The following PRKCSH variants were observed in gnomAD, a reference collection of about 807,000 sequenced individuals.
The protein encoded by PRKCSH is glucosidase 2 subunit beta.
Under a neutral mutation model 79.7 loss-of-function variants are expected in PRKCSH, and 42 were observed. That is an observed-to-expected ratio of 0.53 (90% CI 0.41 to 0.68). The LOEUF is 0.68. Among genes scored for constraint, PRKCSH ranks in the 30% least tolerant of loss-of-function variants. The pLI is 0.00. For missense variants in PRKCSH, 686 were observed against 709.0 expected (o/e 0.97, Z 0.37); for synonymous variants, 325 against 288.2 (o/e 1.13, Z -1.29).
At position 11,447,410 on chromosome 19, in the gene PRKCSH, C is replaced by T. The variant is rs1970360601; in HGVS notation, c.850-29C>T. On this transcript the variant is annotated intron_variant, in intron 10 of 17. Transcript: ENST00000677123. The surrounding 1 kb of genome is among the most constrained non-coding windows in gnomAD (Gnocchi z 5.6). Reference sequence around the variant, plus strand: ...AGGGTGTGGGTGGACCCTGAGTCCACAACACCGACCGCACTGCTCACCCGC... The same window carrying T: ...AGGGTGTGGGTGGACCCTGAGTCCATAACACCGACCGCACTGCTCACCCGC... 5 of 1,610,482 alleles carry T rather than the reference C, an allele frequency of 3.1e-6. No individual in the cohort carries two copies. The highest frequency in any genetic ancestry group is 4.2e-6 in the Non-Finnish European group (5 of 1,177,470).
chr19:11,444,335 C>T (rs1328858256), intron 7 of PRKCSH, among the ~76,000 whole-genome samples: 1 of 152,134 alleles, frequency 6.6e-6, no homozygotes, highest in East Asian at 1.9e-4. Flanking sequence ...CAAAGGGTGG[C>T]GGGGCTGAGC....
rs1420011262 is a variant in PRKCSH at position 11,448,097 on chromosome 19, C to T, written c.1127-125C>T. On this transcript the variant is annotated intron_variant, in intron 12 of 17. Transcript: ENST00000677123. This position sits in a 1 kb window ranked among gnomAD's most constrained non-coding sequence, Gnocchi z 4.4. ...TAGCTGGTGAGGCCCTCAAGGCTGTCGGGGTGAAGTCCTTGGCCAGAGCAA... is the reference window on the plus strand; with the variant it reads ...TAGCTGGTGAGGCCCTCAAGGCTGTTGGGGTGAAGTCCTTGGCCAGAGCAA... 28 of 1,062,962 alleles carry T rather than the reference C, an allele frequency of 2.6e-5. No homozygotes were observed. Among genetic ancestry groups the T allele is most frequent in the South Asian group, 2.3e-4 (17 of 73,034 alleles). The allele number at this position is 1,062,962 out of a possible 1,614,324, so 65.8% of individuals were successfully genotyped here. A position where few individuals can be genotyped will look rare whatever the true frequency, so the allele number is the denominator to read the frequency against.
chr19:11,449,267 T>A lies in PRKCSH; in HGVS notation c.1463T>A (p.Val488Glu). 1.2e-6 allele frequency: 2 copies of A among 1,613,648 alleles called. No individual in the cohort carries two copies. The highest frequency in any genetic ancestry group is 1.7e-6 in the Non-Finnish European group (2 of 1,179,946). ...GAGCACCCGTCTGCCCATCCCCAGG[T>A]GCGCCTCCTGTGCGGGAAAGAGACC... ...CWQGPNRSTTVRLLCGKETMV... is the reference protein window; with the variant it reads ...CWQGPNRSTTERLLCGKETMV... The change falls in exon 17 of 18, where the codon GTG becomes GAG. Residue 488 changes from valine (V) to glutamate (E), a missense_variant and splice_region_variant. Physicochemically the swap from Val to Glu is moderately radical, Grantham distance 121. Transcript: ENST00000677123. The surrounding 1 kb of genome is among the most constrained non-coding windows in gnomAD (Gnocchi z 6.4).
intron 3 of PRKCSH, among the ~76,000 whole-genome samples, chr19:11,437,013 G>C (rs771358678): frequency 2.0e-5 from 3 of 152,058 alleles, no homozygotes; most frequent in Admixed American, 6.5e-5. Flanking sequence ...GTGAGCCACC[G>C]TGCCTGGATG....
At chr19:11,440,299 C>T (rs370576786) in intron 5 of PRKCSH, among the ~76,000 whole-genome samples, 2,392 of 151,158 alleles carry the variant, frequency 0.016, 39 homozygotes, top group Middle Eastern at 0.082. Flanking sequence ...AGGCACCTGC[C>T]GCTACACCTG....
At position 11,449,988 on chromosome 19, in the gene PRKCSH, G is replaced by A. The variant is rs1257609563; in HGVS notation, c.*16+560G>A. 6.2e-6 allele frequency: 1 copy of A among 160,126 alleles called. No individual in the cohort carries two copies. The highest frequency in any genetic ancestry group is 1.4e-5 in the Non-Finnish European group (1 of 72,848). 9.9% of individuals were successfully genotyped at this position (160,126 alleles called of 1,614,324 possible). Reference sequence around the variant, plus strand: ...GCCTCCTGAGTAATTGGGACTACAGGCGCCGCCACCACGCCTGGCTAATTT... The same window carrying A: ...GCCTCCTGAGTAATTGGGACTACAGACGCCGCCACCACGCCTGGCTAATTT... On this transcript the variant is annotated intron_variant, in intron 17 of 17. Coordinates refer to ENST00000677123, the MANE Select transcript of PRKCSH (RefSeq NM_001289104.2). The surrounding 1 kb of genome is among the most constrained non-coding windows in gnomAD (Gnocchi z 6.4).
At chr19:11,446,232 G>A in intron 8 of PRKCSH, 40 bp from the exon 9 acceptor site, 1 of 1,603,234 alleles carries the variant, frequency 6.2e-7, no homozygotes, top group South Asian at 1.1e-5. Flanking sequence ...GAGCCACTGG[G>A]GCCTCACCCC....
At chr19:11,442,289 C>G in intron 6 of PRKCSH, 97 bp from the exon 7 acceptor site, 1 of 1,492,488 alleles carries the variant, frequency 6.7e-7, no homozygotes, top group Non-Finnish European at 9.0e-7. Context: ...TTTGGAACAT[C>G]TCCCTGCTGC....
intron 9 of PRKCSH, among the ~76,000 whole-genome samples, chr19:11,446,711 T>A (rs1016979087): frequency 2.0e-5 from 3 of 151,290 alleles, no homozygotes; most frequent in Non-Finnish European, 2.9e-5. Context: ...GCCTCCCTTC[T>A]CTGCCCACCC....
rs1187743334 is a variant in PRKCSH at position 11,448,523 on chromosome 19, T to C, written c.1197-17T>C. ...GCGTCCCCAGCTGCCCCTTAACCGC[T>C]CCGCCTCCCCTTCCAGGAACCTGGA... On this transcript the variant is annotated splice_polypyrimidine_tract_variant and intron_variant, in intron 13 of 17. Coordinates refer to ENST00000677123, the MANE Select transcript of PRKCSH (RefSeq NM_001289104.2). The surrounding 1 kb of genome is among the most constrained non-coding windows in gnomAD (Gnocchi z 4.4). The C allele has an allele frequency of 1.9e-6, 3 of 1,612,194 alleles. No individual in the cohort carries two copies. The African/African-American group carries it at 4.0e-5, about 22-fold the overall frequency.
intron 9 of PRKCSH, 151 bp downstream of exon 9, chr19:11,446,501 C>T (rs1473668529): frequency 4.2e-6 from 4 of 945,512 alleles, no homozygotes; most frequent in South Asian, 3.1e-5. Flanking sequence ...GGGCCGCTTC[C>T]CGCCTGGCAG....
In PRKCSH at chr19:11,447,573, A is replaced by AGAGGAGGAGGAG; in HGVS notation, c.990_1001dup (p.Glu330_Glu333dup). 6.4e-7 allele frequency: 1 copy of AGAGGAGGAGGAG among 1,570,730 alleles called. No homozygotes were observed. Among genetic ancestry groups the AGAGGAGGAGGAG allele is most frequent in the South Asian group, 1.1e-5 (1 of 88,218 alleles). ...AGGAGGAGGAAGAAGAGGCTGAAGAAGAGGAGGAGGAGGAGGATTCCGAGG... is the reference window on the plus strand; with the variant it reads ...AGGAGGAGGAAGAAGAGGCTGAAGAAGAGGAGGAGGAGGAGGAGGAGGAGGAGGATTCCGAGG... On this transcript the variant is annotated inframe_insertion, in exon 11 of 18. Transcript: ENST00000677123. The surrounding 1 kb of genome is among the most constrained non-coding windows in gnomAD (Gnocchi z 5.6).
chr19:11,443,813 C>T (rs1286404072), intron 7 of PRKCSH, among the ~76,000 whole-genome samples: 2 of 152,076 alleles, frequency 1.3e-5, no homozygotes, highest in African/African-American at 2.4e-5. Context: ...CTCACTCTGT[C>T]GCCTAGGCTG....
Position 11,446,266 on chromosome 19 carries a change from C to T in PRKCSH, c.684-6C>T. The T allele has an allele frequency of 6.2e-7, 1 of 1,613,392 alleles. No individual in the cohort carries two copies. Among genetic ancestry groups the T allele is most frequent in the Non-Finnish European group, 8.5e-7 (1 of 1,179,746 alleles). On this transcript the variant is annotated splice_region_variant and splice_polypyrimidine_tract_variant and intron_variant, in intron 8 of 17. Transcript: ENST00000677123. ...CCTCCAGTCTGCTTCTGCCACGCCC[C>T]CGCAGGGTCTCGGTGACTGAGCTGC...
rs1228280494 is a variant in PRKCSH, at chr19:11,447,566, C to A, written c.977C>A (p.Ala326Asp). 6.3e-7 allele frequency: 1 copy of A among 1,596,876 alleles called. No homozygotes were observed. Among genetic ancestry groups the A allele is most frequent in the African/African-American group, 1.3e-5 (1 of 74,092 alleles). The change falls in exon 11 of 18, where the codon GCT becomes GAT. Residue 326 changes from alanine to aspartate, a missense_variant. Transcript: ENST00000677123. The surrounding 1 kb of genome is among the most constrained non-coding windows in gnomAD (Gnocchi z 5.6). The stretch of plus-strand genomic sequence containing the variant: ...GAGGAGGAGGAGGAGGAAGAAGAGG[C>A]TGAAGAAGAGGAGGAGGAGGAGGAT... ...EEEEEEEEEE[A>D]EEEEEEEDSE...
In PRKCSH at chr19:11,436,464, A is replaced by G. The variant is rs762721373; in HGVS notation, c.155A>G (p.Asn52Ser). ...GSATIPFDQV[N>S]DDYCDCKDGS... ...GCCACCATCCCATTTGATCAGGTCA[A>G]CGATGACTATTGCGACTGCAAAGAT... is the stretch of plus-strand genomic sequence containing the variant. Residue 52 changes from asparagine (N) to serine (S), a missense_variant, in exon 3 of 18, where the codon AAC becomes AGC. Physicochemically the swap from Asn to Ser is conservative, Grantham distance 46 (BLOSUM62 1). This residue lies in a region of PRKCSH where 549 missense variants were observed against 520.2 expected (regional missense o/e 1.06). Transcript: ENST00000677123. 2.5e-6 allele frequency: 4 copies of G among 1,614,092 alleles called. No individual in the cohort carries two copies. The East Asian group carries it at 6.7e-5, about 27-fold the overall frequency.
chr19:11,440,602 G>A (rs758146874), intron 5 of PRKCSH, among the ~76,000 whole-genome samples: 11 of 151,826 alleles, frequency 7.2e-5, no homozygotes, highest in Non-Finnish European at 1.3e-4. Flanking sequence ...GTAGCTGGGC[G>A]CCACCACGCC....
rs762342815 is a variant in PRKCSH at position 11,445,436 on chromosome 19, G to C, written c.646G>C (p.Asp216His). The change falls in exon 8 of 18, where the codon GAT (aspartate) becomes CAT (histidine). Residue 216 changes from aspartate (D) to histidine (H), a missense_variant. Coordinates refer to ENST00000677123, the MANE Select transcript of PRKCSH (RefSeq NM_001289104.2). ...CCAACAGGAGCAGGAGCTGGCGGCT[G>C]ATGCCTTCAAGGAGCTGGATGATGA... ...KAQQEQELAA[D>H]AFKELDDDMD... 10 of 1,613,936 alleles carry C rather than the reference G, an allele frequency of 6.2e-6. No individual in the cohort carries two copies. Among genetic ancestry groups the C allele is most frequent in the Admixed American group, 3.3e-5 (2 of 60,006 alleles).
chr19:11,437,844 T>C, intron 3 of PRKCSH, 32 bp from the exon 4 acceptor site: 1 of 1,593,596 alleles, frequency 6.3e-7, no homozygotes, highest in East Asian at 2.2e-5. Flanking sequence ...CTGAGCTGAC[T>C]CCGAAAACCT....
Sources: gnomAD v4.1 joint callset for allele counts (sites outside exome capture counted in the v4.1 genomes callset) on GRCh38, gnomAD v4.1.1 for gene constraint, gnomAD v4.1.1 regional missense constraint, Gnocchi (gnomAD v3.1) non-coding constraint, MANE v1.5 for transcripts, NCBI Gene and HGNC (gene_info 2026-07-23, HGNC 2026-07-21) for gene names.